ZBTB41: variants seen among roughly 807,000 people sequenced by gnomAD.
The protein encoded by ZBTB41 is zinc finger and BTB domain containing 41.
In ZBTB41, 42 loss-of-function variants were observed where a neutral mutation model predicts 87.6. That is an observed-to-expected ratio of 0.48 (90% CI 0.37 to 0.62). The LOEUF (loss-of-function observed/expected upper bound fraction) is 0.62, where lower values mean the gene tolerates loss of function less well. Ranked by LOEUF, ZBTB41 falls within the 20% of genes least tolerant of loss-of-function variation. ZBTB41 has a pLI of 0.00. For missense variants in ZBTB41, 799 were observed against 1,078.9 expected, an observed-to-expected ratio of 0.74 and a Z score of 3.63; for synonymous variants, 364 against 364.0, an observed-to-expected ratio of 1.00 and a Z score of 0.00.
At chr1:197,183,324 A>G (rs796883672) in intron 5 of ZBTB41, among the ~76,000 whole-genome samples, 17 of 152,302 alleles carry the variant, frequency 1.1e-4, no homozygotes, top group African/African-American at 3.6e-4. Flanking sequence ...TCTAAGAAGT[A>G]CGTATTAACT....
chr1:197,176,466 T>C (rs973970958), intron 8 of ZBTB41, 98 bp downstream of exon 8: 9 of 857,844 alleles, frequency 1.0e-5, no homozygotes, highest in African/African-American at 5.1e-5. Flanking sequence ...ATAAACCAAA[T>C]TATTAAACTT....
chr1:197,191,071 A>C (rs1251267674), intron 3 of ZBTB41, among the ~76,000 whole-genome samples: 1 of 152,152 alleles, frequency 6.6e-6, no homozygotes. Flanking sequence ...TCCAGATTTC[A>C]GTAAATTTAA....
intron 2 of ZBTB41, among the ~76,000 whole-genome samples, chr1:197,198,294 AC>A (rs1407009208): frequency 1.3e-5 from 2 of 148,998 alleles, no homozygotes; most frequent in South Asian, 2.1e-4. Flanking sequence ...ATTCCAAAAA[AC>A]ATTATAAAAA....
chr1:197,193,352 C>T (rs1660080074), intron 2 of ZBTB41, among the ~76,000 whole-genome samples: 1 of 150,124 alleles, frequency 6.7e-6, no homozygotes, highest in Non-Finnish European at 1.5e-5. Context: ...GCCTGGCCAG[C>T]ATGGCAAAAC....
At chr1:197,160,556 A>G (rs1408793148) in intron 10 of ZBTB41, among the ~76,000 whole-genome samples, 1 of 152,150 alleles carries the variant, frequency 6.6e-6, no homozygotes, top group African/African-American at 2.4e-5. Context: ...TGAGGTCAAA[A>G]TAAGAAGAGT....
At chr1:197,166,547 T>TA (rs968219686) in intron 10 of ZBTB41, among the ~76,000 whole-genome samples, 11 of 152,082 alleles carry the variant, frequency 7.2e-5, no homozygotes, top group Admixed American at 2.0e-4. Context: ...AAAACACACT[T>TA]AAAAAATCTT....
intron 10 of ZBTB41, among the ~76,000 whole-genome samples, chr1:197,166,389 A>T (rs1418955109): frequency 6.6e-6 from 1 of 152,174 alleles, no homozygotes; most frequent in Non-Finnish European, 1.5e-5. Flanking sequence ...ATCACTAAAG[A>T]CACTATCATC....
rs1421868597 is a variant in ZBTB41, at chr1:197,159,402, G to A, written c.2687C>T (p.Thr896Ile). 1.2e-6 allele frequency: 2 copies of A among 1,613,856 alleles called. No homozygotes were observed. Among genetic ancestry groups the A allele is most frequent in the Non-Finnish European group, 1.7e-6 (2 of 1,179,768 alleles). ...CGTAGAAATATTTTGAACACCAGTA[G>A]TGCTATCAAGGCCCAGTAATGTTCC... Reference protein sequence around the residue: ...YLGTLLGLDSTTGVQNISTNE... With the variant: ...YLGTLLGLDSITGVQNISTNE... Residue 896 changes from threonine (T) to isoleucine (I), a missense_variant, in exon 11 of 11, where the codon ACT (threonine) becomes ATT (isoleucine). This residue lies in a region of ZBTB41 where 171 missense variants were observed against 191.9 expected (regional missense o/e 0.89). Transcript: ENST00000367405.
At chr1:197,164,211 T>C (rs1241731763) in intron 10 of ZBTB41, among the ~76,000 whole-genome samples, 4 of 152,046 alleles carry the variant, frequency 2.6e-5, no homozygotes, top group Non-Finnish European at 5.9e-5. Context: ...GAAGGTAAGG[T>C]AGACTGTAAC....
chr1:197,183,618 C>A (rs758869556), intron 5 of ZBTB41, among the ~76,000 whole-genome samples: 2 of 152,244 alleles, frequency 1.3e-5, no homozygotes, highest in East Asian at 1.9e-4. Context: ...TTACCTATTG[C>A]GCCGTAATTT....
intron 6 of ZBTB41, among the ~76,000 whole-genome samples, chr1:197,180,275 T>C (rs554216713): frequency 1.3e-5 from 2 of 152,246 alleles, no homozygotes; most frequent in East Asian, 1.9e-4. Flanking sequence ...CTAAACCACA[T>C]AGCCTACATG....
chr1:197,195,479 A>C (rs1241453902), intron 2 of ZBTB41, among the ~76,000 whole-genome samples: 1 of 152,214 alleles, frequency 6.6e-6, no homozygotes, highest in Non-Finnish European at 1.5e-5. Context: ...TGAAATATTC[A>C]TATGAGTTAG....
At chr1:197,179,271 C>A (rs148602312) in intron 6 of ZBTB41, among the ~76,000 whole-genome samples, 1 of 152,204 alleles carries the variant, frequency 6.6e-6, no homozygotes, top group East Asian at 1.9e-4. Flanking sequence ...ACCACATAAA[C>A]AATGCTGTCC....
chr1:197,186,606 A>C (rs1437002431), intron 5 of ZBTB41, among the ~76,000 whole-genome samples: 1 of 152,204 alleles, frequency 6.6e-6, no homozygotes, highest in Non-Finnish European at 1.5e-5. Flanking sequence ...TCACGCCTGT[A>C]ATCCCAGCAC....
chr1:197,198,759 G>A (rs999736032), intron 2 of ZBTB41, among the ~76,000 whole-genome samples: 1 of 152,026 alleles, frequency 6.6e-6, no homozygotes, highest in African/African-American at 2.4e-5. Context: ...AAGCTTCTTG[G>A]CCTTTTGGCT....
chr1:197,176,719 G>A lies in ZBTB41; in HGVS notation c.1773-49C>T, dbSNP rs773003020. ...ACCATTAAAACTGGTGACATAGAAGGAAAAAGCTCAATAATGAATAAATGA... is the reference window on the plus strand; with the variant it reads ...ACCATTAAAACTGGTGACATAGAAGAAAAAAGCTCAATAATGAATAAATGA... On this transcript the variant is annotated intron_variant, in intron 7 of 10. Transcript: ENST00000367405. 9.9e-6 allele frequency: 13 copies of A among 1,310,728 alleles called. No homozygotes were observed. The East Asian group carries it at 3.0e-4, about 30-fold the overall frequency. 81.2% of individuals were successfully genotyped at this position (1,310,728 alleles called of 1,614,324 possible).
chr1:197,159,927 G>A lies in ZBTB41; in HGVS notation c.2162C>T (p.Ala721Val). The A allele has an allele frequency of 6.2e-7, 1 of 1,613,756 alleles. No homozygotes were observed. Among genetic ancestry groups the A allele is most frequent in the Non-Finnish European group, 8.5e-7 (1 of 1,179,756 alleles). ...LTKHLVIHSD[A>V]RPFNCQHCNA... The stretch of plus-strand genomic sequence containing the variant: ...ACAGTGCTGACAGTTGAAAGGTCGG[G>A]CATCAGAATGAATAACCAGGTGTTT... Residue 721 changes from alanine to valine, a missense_variant, in exon 11 of 11, where the codon GCC (alanine) becomes GTC (valine). Ala to Val is a moderately conservative substitution (Grantham distance 64). Transcript: ENST00000367405.
At chr1:197,164,163 G>A (rs1335063173) in intron 10 of ZBTB41, among the ~76,000 whole-genome samples, 2 of 152,058 alleles carry the variant, frequency 1.3e-5, no homozygotes, top group African/African-American at 4.8e-5. Context: ...TTTCTGGAAA[G>A]TGACGAATAA....
Position 197,156,310 on chromosome 1 carries a change from A to T in ZBTB41, c.*3049T>A, listed in dbSNP as rs150484670. 6.3e-3 allele frequency: 964 copies of T among 152,352 alleles called. 11 individuals carry two copies. The highest frequency in any genetic ancestry group is 0.022 in the African/African-American group (926 of 41,548). The allele number at this position is 152,352 out of a possible 1,614,324, so 9.4% of individuals were successfully genotyped here. On this transcript the variant is annotated 3_prime_UTR_variant, in exon 11 of 11. Coordinates refer to ENST00000367405, the MANE Select transcript of ZBTB41 (RefSeq NM_194314.3). ...TTTAAAGTCTTTTAAACTATTTAAT[A>T]CCTACTAAAAATCTTTGGTGCATTT... is the stretch of plus-strand genomic sequence containing the variant.
Sources: allele counts gnomAD v4.1 joint callset (sites outside exome capture counted in the v4.1 genomes callset), GRCh38; gene constraint gnomAD v4.1.1; regional missense constraint gnomAD v4.1.1; transcripts MANE v1.5; gene names NCBI Gene and HGNC (gene_info 2026-07-23, HGNC 2026-07-21).